SH3PXD2A: variants seen among roughly 807,000 people sequenced by gnomAD.
SH3PXD2A encodes the protein SH3 and PX domains 2A.
SH3PXD2A carries 32 observed loss-of-function variants against 115.2 expected under a neutral mutation model. The ratio of observed to expected loss-of-function variants is 0.28; its 90% CI spans 0.21 to 0.37. The LOEUF (loss-of-function observed/expected upper bound fraction) is 0.37. Ranked by LOEUF, SH3PXD2A falls within the 10% of genes least tolerant of loss-of-function variation. SH3PXD2A has a pLI of 1.00. For missense variants in SH3PXD2A, 1,328 were observed against 1,498.7 expected (o/e 0.89, Z 1.88); for synonymous variants, 610 against 629.1 (o/e 0.97, Z 0.45).
At chr10:103,648,257 C>T (rs897698947) in intron 8 of SH3PXD2A, among the ~76,000 whole-genome samples, 4 of 152,192 alleles carry the variant, frequency 2.6e-5, no homozygotes, top group African/African-American at 9.6e-5. Flanking sequence ...CAGTGGGGGT[C>T]AGGGGAGCCC....
chr10:103,602,427 T>G lies in SH3PXD2A; in HGVS notation c.2791A>C (p.Arg931=). The part of the protein sequence containing the change: ...GKSDSLEKIE[R]RVQALNTVNQ... Reference sequence around the variant, plus strand: ...ACGGTGTTCAGTGCTTGGACGCGCCTCTCGATCTTCTCCAGGCTGTCTGAT... The same window carrying G: ...ACGGTGTTCAGTGCTTGGACGCGCCGCTCGATCTTCTCCAGGCTGTCTGAT... The change falls in exon 15 of 15, where the codon AGG becomes CGG. Residue 931 remains arginine (R), a synonymous_variant. Transcript: ENST00000369774. The G allele has an allele frequency of 6.2e-7, 1 of 1,614,156 alleles. No individual in the cohort carries two copies. The highest frequency in any genetic ancestry group is 8.5e-7 in the Non-Finnish European group (1 of 1,180,030).
intron 6 of SH3PXD2A, among the ~76,000 whole-genome samples, chr10:103,680,948 T>A (rs1365641100): frequency 2.0e-5 from 3 of 152,244 alleles, no homozygotes; most frequent in African/African-American, 4.8e-5. Context: ...ATTTCCCCCA[T>A]GTCTTTGTTT....
chr10:103,698,663 C>CT (rs56365914), intron 5 of SH3PXD2A, among the ~76,000 whole-genome samples: 55,078 of 152,004 alleles, frequency 0.36, 10,418 homozygotes, highest in South Asian at 0.51. Flanking sequence ...CCTAAAAGCA[C>CT]TTTTTAAGCT....
intron 1 of SH3PXD2A, among the ~76,000 whole-genome samples, chr10:103,847,755 A>G (rs1014613316): frequency 1.3e-5 from 2 of 152,194 alleles, no homozygotes; most frequent in Non-Finnish European, 2.9e-5. Flanking sequence ...CCTGGCCAAC[A>G]TGGCAAAACC....
rs1013476247 is a variant in SH3PXD2A, at chr10:103,720,952, T to C, written c.398+3318A>G. On this transcript the variant is annotated intron_variant, in intron 5 of 14. Transcript: ENST00000369774. ...CCTGGCCACAGCTGAGCTCACTTCC[T>C]GAGCCTCAGACCTGTCTTGGGGCTG... Among the ~76,000 whole-genome samples the C allele has an allele frequency of 2.6e-5, 4 of 152,218 alleles. 1 individual carries two copies. The highest frequency in any genetic ancestry group is 5.9e-5 in the Non-Finnish European group (4 of 68,036).
At chr10:103,668,863 C>G (rs911192343) in intron 6 of SH3PXD2A, among the ~76,000 whole-genome samples, 2 of 152,232 alleles carry the variant, frequency 1.3e-5, no homozygotes, top group Non-Finnish European at 1.5e-5. Flanking sequence ...GGGACACAGC[C>G]GGCTGGGACA....
intron 7 of SH3PXD2A, among the ~76,000 whole-genome samples, chr10:103,667,189 C>G (rs956551682): frequency 2.0e-5 from 3 of 152,176 alleles, no homozygotes; most frequent in Non-Finnish European, 2.9e-5. Flanking sequence ...TTTCCCCCAG[C>G]CCACACTGCC....
intron 6 of SH3PXD2A, among the ~76,000 whole-genome samples, chr10:103,677,826 C>T (rs2037558611): frequency 6.6e-6 from 1 of 152,150 alleles, no homozygotes; most frequent in South Asian, 2.1e-4. Flanking sequence ...GATGAATACT[C>T]ACTGCTCTCA....
chr10:103,647,926 G>C (rs185521867), intron 8 of SH3PXD2A, among the ~76,000 whole-genome samples: 82 of 152,128 alleles, frequency 5.4e-4, no homozygotes, highest in Non-Finnish European at 1.1e-3. Context: ...GGAGAAGAGG[G>C]TCCCCTAGGG....
intron 6 of SH3PXD2A, 103 bp downstream of exon 6, chr10:103,692,925 A>AC (rs371317904): frequency 7.8e-4 from 711 of 907,852 alleles, no homozygotes; most frequent in African/African-American, 8.8e-4. Context: ...TGCAAGGACA[A>AC]CCCCCCCCTC....
At chr10:103,835,491 T>C (rs768785610) in intron 1 of SH3PXD2A, among the ~76,000 whole-genome samples, 1 of 152,222 alleles carries the variant, frequency 6.6e-6, no homozygotes, top group Non-Finnish European at 1.5e-5. Context: ...CTCACACACC[T>C]GGATATGGAA....
chr10:103,613,215 A>C, intron 11 of SH3PXD2A, 25 bp from the exon 12 acceptor site: 1 of 1,542,448 alleles, frequency 6.5e-7, no homozygotes, highest in Non-Finnish European at 8.8e-7. Context: ...AGGATGTGCT[A>C]TCATTAGAGC....
At chr10:103,730,215 AGTTTCTTTTCTC>A (rs2038298745) in intron 4 of SH3PXD2A, among the ~76,000 whole-genome samples, 1 of 145,692 alleles carries the variant, frequency 6.9e-6, no homozygotes, top group Non-Finnish European at 1.5e-5. Context: ...CAGCAGCATC[AGTTTCTTTTCTC>A]GTTTCTTTTT....
intron 2 of SH3PXD2A, among the ~76,000 whole-genome samples, chr10:103,782,617 A>G (rs1424893272): frequency 6.6e-6 from 1 of 151,986 alleles, no homozygotes; most frequent in African/African-American, 2.4e-5. Flanking sequence ...AACAGAAGCT[A>G]TGGAGCAGGC....
intron 1 of SH3PXD2A, among the ~76,000 whole-genome samples, chr10:103,817,684 C>A (rs1197718222): frequency 6.6e-6 from 1 of 152,182 alleles, no homozygotes; most frequent in African/African-American, 2.4e-5. Flanking sequence ...CAAGTGAGAA[C>A]ACATGGTATT....
chr10:103,802,366 G>A (rs564895848), intron 1 of SH3PXD2A, among the ~76,000 whole-genome samples: 1 of 152,304 alleles, frequency 6.6e-6, no homozygotes, highest in Non-Finnish European at 1.5e-5. Context: ...GTTAGCACGT[G>A]GGAGACTGGA....
rs1217341215 is a variant in SH3PXD2A, at chr10:103,855,133, C to T, written c.72+62G>A. 9 of 1,271,450 alleles carry T rather than the reference C, an allele frequency of 7.1e-6. No individual in the cohort carries two copies. The African/African-American group carries it at 1.4e-4, about 19-fold the overall frequency. 78.8% of individuals were successfully genotyped at this position (1,271,450 alleles called of 1,614,324 possible). A position where few individuals can be genotyped will look rare whatever the true frequency, so the allele number is the denominator to read the frequency against. ...CTCACAGCTGGGAGGGGCAAGGGGCCATCCGGGGCCCTCCCGGGACCTCGG... is the reference window on the plus strand; with the variant it reads ...CTCACAGCTGGGAGGGGCAAGGGGCTATCCGGGGCCCTCCCGGGACCTCGG... On this transcript the variant is annotated intron_variant, in intron 1 of 14. Transcript: ENST00000369774.
intron 5 of SH3PXD2A, among the ~76,000 whole-genome samples, chr10:103,699,543 A>G (rs1281586578): frequency 1.2e-4 from 18 of 152,200 alleles, no homozygotes. Context: ...CCAGAAACCA[A>G]GTGAGGAAGG....
intron 1 of SH3PXD2A, among the ~76,000 whole-genome samples, chr10:103,848,821 T>C (rs1215198815): frequency 6.6e-6 from 1 of 152,164 alleles, no homozygotes; most frequent in African/African-American, 2.4e-5. Flanking sequence ...GACTTAGTGA[T>C]TGTGAAAGCA....
Sources: allele counts gnomAD v4.1 joint callset (sites outside exome capture counted in the v4.1 genomes callset), GRCh38; gene constraint gnomAD v4.1.1; transcripts MANE v1.5; gene names NCBI Gene and HGNC (gene_info 2026-07-23, HGNC 2026-07-21).